Variants in ATG4A observed in about 807,000 individuals in gnomAD.
ATG4A encodes autophagy related 4A cysteine peptidase.
ATG4A carries 22 observed loss-of-function variants against 38.4 expected under a neutral mutation model. That is an observed-to-expected ratio of 0.57 (90% CI 0.41 to 0.82). The LOEUF (loss-of-function observed/expected upper bound fraction) is 0.82, where lower values mean the gene tolerates loss of function less well. Ranked by LOEUF, ATG4A falls within the 40% of genes least tolerant of loss-of-function variation. The pLI is 0.00. For synonymous variants in ATG4A, 86 were observed against 100.7 expected, an observed-to-expected ratio of 0.85 and a Z score of 0.88; for missense variants, 220 against 290.0, an observed-to-expected ratio of 0.76 and a Z score of 1.75.
At chrX:108,152,648 T>C (rs1315338540) in intron 11 of ATG4A, among the ~76,000 whole-genome samples, 2 of 112,083 alleles carry the variant, frequency 1.8e-5, no homozygotes, top group Non-Finnish European at 3.8e-5. Context: ...TGACATTTCT[T>C]TGGAGCCAGT....
chrX:108,107,872 G>T (rs1474880960), intron 1 of ATG4A, among the ~76,000 whole-genome samples: 2 of 111,102 alleles, frequency 1.8e-5, no homozygotes, highest in African/African-American at 6.6e-5. Flanking sequence ...ACCATCATAT[G>T]CCGGGGGACT....
chrX:108,153,978 G>A lies in ATG4A; in HGVS notation c.*266G>A. 7.9e-6 allele frequency: 2 copies of A among 254,717 alleles called. No individual in the cohort carries two copies. The highest frequency in any genetic ancestry group is 1.4e-5 in the Non-Finnish European group (2 of 144,267). The allele number at this position is 254,717 out of a possible 1,213,427, so 21.0% of individuals were successfully genotyped here. A position where few individuals can be genotyped will look rare whatever the true frequency, so the allele number is the denominator to read the frequency against. On this transcript the variant is annotated 3_prime_UTR_variant, in exon 13 of 13. Coordinates refer to ENST00000372232, the MANE Select transcript of ATG4A (RefSeq NM_052936.5). Reference sequence around the variant, plus strand: ...GGAGGAGTTCATTGCTTCCCAGCTTGTGTTATATGGCTACAGCAAGTCTTC... The same window carrying A: ...GGAGGAGTTCATTGCTTCCCAGCTTATGTTATATGGCTACAGCAAGTCTTC...
intron 10 of ATG4A, 37 bp from the exon 11 acceptor site, chrX:108,151,765 G>A (rs914076759): frequency 8.4e-7 from 1 of 1,191,530 alleles, no homozygotes; most frequent in African/African-American, 1.8e-5. Flanking sequence ...CAATACCAAA[G>A]GTAATTCTAA....
chrX:108,126,873 T>G, intron 2 of ATG4A: 1 of 707,053 alleles, frequency 1.4e-6, no homozygotes, highest in Non-Finnish European at 2.0e-6. Context: ...AAGAGGCAGC[T>G]CTGAGATTTG....
chrX:108,126,654 A>G (rs1238516640), intron 2 of ATG4A: 2 of 683,485 alleles, frequency 2.9e-6, no homozygotes, highest in Non-Finnish European at 3.9e-6. Context: ...TATCAGACCT[A>G]AGTTTTTCTT....
At chrX:108,091,322 G>T (rs1202139780), upstream of ATG4A, 13 of 897,238 alleles carry the variant, frequency 1.4e-5, no homozygotes, top group South Asian at 4.1e-5. Context: ...TCTCAGAAAC[G>T]GGGCCTCCGC....
chrX:108,151,784 C>A lies in ATG4A; in HGVS notation c.961-18C>A. 1 of 1,205,622 alleles carries A rather than the reference C, an allele frequency of 8.3e-7. No homozygotes were observed. The highest frequency in any genetic ancestry group is 1.1e-6 in the Non-Finnish European group (1 of 890,821). On this transcript the variant is annotated intron_variant, in intron 10 of 12. Transcript: ENST00000372232. Reference sequence around the variant, plus strand: ...ACCAAAGGTAATTCTAAGTTGTGTTCTTTTGCTTTCCCCCAAGGGATTTTT... The same window carrying A: ...ACCAAAGGTAATTCTAAGTTGTGTTATTTTGCTTTCCCCCAAGGGATTTTT...
chrX:108,091,339 C>T (rs1569296627), upstream of ATG4A: 4 of 1,027,258 alleles, frequency 3.9e-6, no homozygotes, highest in South Asian at 3.8e-5. Flanking sequence ...CCGCTAGGGC[C>T]GGGCCCCGAA....
chrX:108,136,346 G>T (rs766931240), intron 6 of ATG4A, among the ~76,000 whole-genome samples: 3 of 111,276 alleles, frequency 2.7e-5, no homozygotes, highest in Middle Eastern at 4.2e-3. Context: ...TACTTAACTG[G>T]CAAGGAAAGA....
intron 10 of ATG4A, among the ~76,000 whole-genome samples, chrX:108,150,602 A>AC (rs1446945923): frequency 8.9e-6 from 1 of 112,523 alleles, no homozygotes; most frequent in Non-Finnish European, 1.9e-5. Flanking sequence ...GCTGGGGAGG[A>AC]CTCCCAATCA....
intron 1 of ATG4A, among the ~76,000 whole-genome samples, chrX:108,098,869 GT>G (rs1190915894): frequency 9.0e-6 from 1 of 111,360 alleles, no homozygotes; most frequent in Admixed American, 9.5e-5. Context: ...AGGTACCACA[GT>G]TTTTTTAACC....
intron 3 of ATG4A, among the ~76,000 whole-genome samples, chrX:108,129,701 G>C (rs2032902104): frequency 9.2e-6 from 1 of 108,144 alleles, no homozygotes; most frequent in Non-Finnish European, 1.9e-5. Flanking sequence ...CTCCCGAGTA[G>C]CTGGGACTAC....
intron 1 of ATG4A, among the ~76,000 whole-genome samples, chrX:108,100,341 G>A (rs1323865818): frequency 9.0e-6 from 1 of 110,781 alleles, no homozygotes; most frequent in Non-Finnish European, 1.9e-5. Context: ...TAGTTCTAGG[G>A]GGTTAAAAGG....
At chrX:108,146,474 A>G (rs1202831517) in intron 9 of ATG4A, among the ~76,000 whole-genome samples, 2 of 111,440 alleles carry the variant, frequency 1.8e-5, no homozygotes, top group Middle Eastern at 4.6e-3. Flanking sequence ...CTTGCCTTTG[A>G]TGGTTGAGTG....
chrX:108,138,373 C>T (rs2033157644), intron 9 of ATG4A, among the ~76,000 whole-genome samples, 182 bp downstream of exon 9: 1 of 111,559 alleles, frequency 9.0e-6, no homozygotes, highest in South Asian at 3.8e-4. Flanking sequence ...TTCTGTGTGC[C>T]TGATGGAAAG....
intron 1 of ATG4A, among the ~76,000 whole-genome samples, chrX:108,113,422 G>A (rs1359059342): frequency 9.0e-6 from 1 of 111,328 alleles, no homozygotes; most frequent in Non-Finnish European, 1.9e-5. Flanking sequence ...CACTGACAAG[G>A]AGTTCAGAGT....
intron 3 of ATG4A, among the ~76,000 whole-genome samples, chrX:108,129,653 C>G (rs1348194568): frequency 4.7e-5 from 5 of 106,219 alleles, no homozygotes; most frequent in Non-Finnish European, 9.7e-5. Flanking sequence ...TCATTGCAAG[C>G]TCCGCCTCCT....
intron 1 of ATG4A, among the ~76,000 whole-genome samples, chrX:108,113,329 T>C (rs764360463): frequency 1.2e-3 from 135 of 111,730 alleles, no homozygotes; most frequent in African/African-American, 4.1e-3. Context: ...TGCACATCAT[T>C]TCTCATCAGA....
In ATG4A at chrX:108,134,481, C is replaced by G. The variant is rs1032035542; in HGVS notation, c.467+70C>G. On this transcript the variant is annotated intron_variant, in intron 6 of 12. Coordinates refer to ENST00000372232, the MANE Select transcript of ATG4A (RefSeq NM_052936.5). Reference sequence around the variant, plus strand: ...TGCTTCCCTCCCTAGACAACTAAACCTCCCATCAACCGAGGTATTCTTGCA... The same window carrying G: ...TGCTTCCCTCCCTAGACAACTAAACGTCCCATCAACCGAGGTATTCTTGCA... 17 of 966,327 alleles carry G rather than the reference C, an allele frequency of 1.8e-5. No homozygotes were observed. The African/African-American group carries it at 3.1e-4, about 18-fold the overall frequency. 79.6% of individuals were successfully genotyped at this position (966,327 alleles called of 1,213,427 possible).
Sources: gnomAD v4.1 joint callset for allele counts (sites outside exome capture counted in the v4.1 genomes callset) on GRCh38, gnomAD v4.1.1 for gene constraint, MANE v1.5 for transcripts, NCBI Gene and HGNC (gene_info 2026-07-23, HGNC 2026-07-21) for gene names.